ADTRP: variants seen among roughly 807,000 people sequenced by gnomAD.
ADTRP encodes the protein androgen-dependent TFPI-regulating protein.
A neutral mutation model predicts 27.0 loss-of-function variants in ADTRP; 20 were observed. The observed-to-expected ratio is 0.74, with a 90% CI of 0.52 to 1.08. The LOEUF (loss-of-function observed/expected upper bound fraction) is 1.08. ADTRP is among the 50% of genes least tolerant of loss of function. The pLI is 0.00. For missense variants in ADTRP, 251 were observed against 275.0 expected, an observed-to-expected ratio of 0.91 and a Z score of 0.62; for synonymous variants, 101 against 105.2, an observed-to-expected ratio of 0.96 and a Z score of 0.25.
intron 4 of ADTRP, among the ~76,000 whole-genome samples, chr6:11,734,565 G>T (rs555159368): frequency 1.3e-5 from 2 of 152,226 alleles, no homozygotes; most frequent in Admixed American, 1.3e-4. Context: ...AAAGGTGGGA[G>T]GGGTAGACAC....
rs924795791 is a variant in ADTRP at position 11,714,146 on chromosome 6, CCT to C, written c.*330_*331del. The C allele has an allele frequency of 5.1e-3, 1,425 of 276,820 alleles. No individual in the cohort carries two copies. Among genetic ancestry groups the C allele is most frequent in the Middle Eastern group, 9.3e-3 (8 of 864 alleles). The allele number at this position is 276,820 out of a possible 1,614,324, so 17.1% of individuals were successfully genotyped here. On this transcript the variant is annotated 3_prime_UTR_variant, in exon 6 of 6. Transcript: ENST00000414691. The stretch of plus-strand genomic sequence containing the variant: ...TGAAGAGTTTAAATGACTCTAAGTT[CCT>C]CTCTCTCTCTCTAGATGTTCTCTAA...
intron 3 of ADTRP, among the ~76,000 whole-genome samples, chr6:11,746,467 C>T (rs1762869651): frequency 6.6e-6 from 1 of 152,132 alleles, no homozygotes; most frequent in Non-Finnish European, 1.5e-5. Flanking sequence ...AAGCAGCATC[C>T]TTGGCTTCTA....
intron 3 of ADTRP, among the ~76,000 whole-genome samples, chr6:11,765,683 T>C (rs9368869): frequency 0.13 from 19,218 of 151,994 alleles, 1,600 homozygotes; most frequent in East Asian, 0.47. Flanking sequence ...CATGCCAGCC[T>C]TGCTTGTTTG....
At position 11,735,601 on chromosome 6, in the gene ADTRP, A is replaced by T; in HGVS notation, c.473T>A (p.Leu158Ter). 1 of 1,614,072 alleles carries T rather than the reference A, an allele frequency of 6.2e-7. No homozygotes were observed. Among genetic ancestry groups the T allele is most frequent in the South Asian group, 1.1e-5 (1 of 91,062 alleles). Residue 158 changes from leucine (L) to a stop codon, truncating the protein, a stop_gained, in exon 4 of 6, where the codon TTG becomes TAG. Coordinates refer to ENST00000414691, the MANE Select transcript of ADTRP (RefSeq NM_032744.4). LOFTEE classifies it high-confidence loss of function. ...GTAAGCAATGCTGGCAGCAGCCAGC[A>T]AGGTGAGTCCTGTCTTCTTTGATGG... ...SYPSKKTGLTLLAAASIAYIS... is the reference protein window; with the variant it reads ...SYPSKKTGLT
chr6:11,751,910 C>T (rs945077172), intron 3 of ADTRP, among the ~76,000 whole-genome samples: 4 of 152,182 alleles, frequency 2.6e-5, no homozygotes, highest in African/African-American at 7.2e-5. Context: ...AATCAGCTAT[C>T]GATCTAGCCA....
intron 3 of ADTRP, among the ~76,000 whole-genome samples, chr6:11,755,497 C>T (rs1189427760): frequency 1.3e-5 from 2 of 152,212 alleles, no homozygotes; most frequent in Non-Finnish European, 2.9e-5. Flanking sequence ...CACCAGTGGA[C>T]TGGTCGTCCT....
Position 11,768,369 on chromosome 6 carries a change from A to G in ADTRP, c.168T>C (p.Ile56=), listed in dbSNP as rs1419649862. The G allele has an allele frequency of 1.9e-6, 3 of 1,614,072 alleles. No individual in the cohort carries two copies. The African/African-American group carries it at 4.0e-5, about 22-fold the overall frequency. Residue 56 remains isoleucine (I), a synonymous_variant, in exon 2 of 6, where the codon ATT becomes ATC. Coordinates refer to ENST00000414691, the MANE Select transcript of ADTRP (RefSeq NM_032744.4). ...CATCCAGGCAGGTGACCCCGTAGAAAATGGTCTGCAAGAGCTAAATCCATT... is the reference window on the plus strand; with the variant it reads ...CATCCAGGCAGGTGACCCCGTAGAAGATGGTCTGCAAGAGCTAAATCCATT... ...MTLLNLLLQT[I]FYGVTCLDDV...
At chr6:11,758,455 CA>C (rs1424194138) in intron 3 of ADTRP, among the ~76,000 whole-genome samples, 6 of 149,802 alleles carry the variant, frequency 4.0e-5, no homozygotes, top group African/African-American at 1.2e-4. Flanking sequence ...TCATTCTCAG[CA>C]AACTATCGCA....
chr6:11,773,302 G>A (rs1763846955), intron 1 of ADTRP, among the ~76,000 whole-genome samples: 1 of 152,186 alleles, frequency 6.6e-6, no homozygotes, highest in Non-Finnish European at 1.5e-5. Context: ...TGCAGGTCAG[G>A]TTCCGTGGGA....
chr6:11,770,278 A>G lies in ADTRP; in HGVS notation c.154-1895T>C, dbSNP rs139558479. 2.1e-3 allele frequency among the ~76,000 whole-genome samples: 317 copies of G among 152,208 alleles called. 3 individuals carry two copies. The highest frequency in any genetic ancestry group is 7.3e-3 in the African/African-American group (305 of 41,530). Reference sequence around the variant, plus strand: ...CTGGGGCTAGGGCCTAGGGGTTGGGATTTTTAAAATCCTCCCAGGTGATTC... The same window carrying G: ...CTGGGGCTAGGGCCTAGGGGTTGGGGTTTTTAAAATCCTCCCAGGTGATTC... On this transcript the variant is annotated intron_variant, in intron 1 of 5. Transcript: ENST00000414691.
chr6:11,770,524 G>C (rs1448351534), intron 1 of ADTRP, among the ~76,000 whole-genome samples: 2 of 152,090 alleles, frequency 1.3e-5, no homozygotes, highest in East Asian at 3.9e-4. Context: ...GAAGGGAAAG[G>C]GACATAAAGG....
At chr6:11,722,147 G>T (rs1762041956) in intron 5 of ADTRP, among the ~76,000 whole-genome samples, 1 of 150,960 alleles carries the variant, frequency 6.6e-6, no homozygotes, top group African/African-American at 2.4e-5. Flanking sequence ...TTTTTTTTGC[G>T]ATAATTTTCT....
intron 2 of ADTRP, among the ~76,000 whole-genome samples, chr6:11,767,223 A>G (rs898088794): frequency 2.0e-5 from 3 of 152,168 alleles, no homozygotes; most frequent in African/African-American, 7.2e-5. Flanking sequence ...AATACAAAAA[A>G]GTAGCCAGGT....
chr6:11,724,313 C>CATAA (rs1182119370), intron 4 of ADTRP, among the ~76,000 whole-genome samples: 1 of 152,102 alleles, frequency 6.6e-6, no homozygotes, highest in Non-Finnish European at 1.5e-5. Context: ...AGAGATAGAG[C>CATAA]GTTATTGCCC....
At chr6:11,750,937 C>T (rs376890616) in intron 3 of ADTRP, among the ~76,000 whole-genome samples, 9 of 152,298 alleles carry the variant, frequency 5.9e-5, no homozygotes, top group East Asian at 5.8e-4. Context: ...TTACAACCTC[C>T]GCCTCCCAGG....
chr6:11,757,855 G>T (rs1763262454), intron 3 of ADTRP, among the ~76,000 whole-genome samples: 1 of 152,178 alleles, frequency 6.6e-6, no homozygotes, highest in Non-Finnish European at 1.5e-5. Flanking sequence ...CTTGGTTTCG[G>T]ACACTTAGCC....
In ADTRP at chr6:11,714,420, A is replaced by AAAT; in HGVS notation, c.*57_*58insATT. The AAAT allele has an allele frequency of 6.3e-7, 1 of 1,584,580 alleles. No homozygotes were observed. Among genetic ancestry groups the AAAT allele is most frequent in the Non-Finnish European group, 8.6e-7 (1 of 1,169,098 alleles). The stretch of plus-strand genomic sequence containing the variant: ...TCCCTCCACCAGAAAAAAAAAAAAA[A>AAAT]GATGAGAAAAATCTCTTGTGTTTTC... On this transcript the variant is annotated 3_prime_UTR_variant, in exon 6 of 6. Coordinates refer to ENST00000414691, the MANE Select transcript of ADTRP (RefSeq NM_032744.4).
intron 3 of ADTRP, among the ~76,000 whole-genome samples, chr6:11,756,495 C>T (rs927343527): frequency 1.3e-5 from 2 of 151,980 alleles, no homozygotes; most frequent in African/African-American, 2.4e-5. Context: ...GAGATGTTAC[C>T]ATTGGGGGAA....
At chr6:11,720,843 C>T (rs886202146) in intron 5 of ADTRP, among the ~76,000 whole-genome samples, 2 of 152,178 alleles carry the variant, frequency 1.3e-5, no homozygotes, top group Non-Finnish European at 2.9e-5. Flanking sequence ...CAATACTCTA[C>T]AGCCATTAGA....
Sources: gnomAD v4.1 joint callset for allele counts (sites outside exome capture counted in the v4.1 genomes callset) on GRCh38, gnomAD v4.1.1 for gene constraint, MANE v1.5 for transcripts, NCBI Gene and HGNC (gene_info 2026-07-23, HGNC 2026-07-21) for gene names.